Variants in SLC25A37 observed in about 807,000 individuals in gnomAD.
SLC25A37 encodes the protein solute carrier family 25 member 37, also known as mitoferrin-1.
A neutral mutation model predicts 31.0 loss-of-function variants in SLC25A37; 17 were observed. That is an observed-to-expected ratio of 0.55 (90% CI 0.38 to 0.82). The LOEUF (loss-of-function observed/expected upper bound fraction) is 0.82. SLC25A37 is among the 40% of genes least tolerant of loss of function. SLC25A37 has a pLI of 0.00. For synonymous variants in SLC25A37, 222 were observed against 193.0 expected, an observed-to-expected ratio of 1.15 and a Z score of -1.24; for missense variants, 404 against 465.8, an observed-to-expected ratio of 0.87 and a Z score of 1.22.
At chr8:23,568,584 C>T (rs1011873888) in intron 3 of SLC25A37, 15 of 589,466 alleles carry the variant, frequency 2.5e-5, no homozygotes, top group South Asian at 3.9e-5. Context: ...TTCCTGTGCT[C>T]GGAGCTACTC....
At chr8:23,532,614 C>T (rs1014877930) in intron 1 of SLC25A37, among the ~76,000 whole-genome samples, 11 of 152,206 alleles carry the variant, frequency 7.2e-5, no homozygotes, top group Admixed American at 2.0e-4. Flanking sequence ...GGGGGACTTC[C>T]GCTGACCCTT....
At chr8:23,533,685 T>C (rs1289383129) in intron 1 of SLC25A37, among the ~76,000 whole-genome samples, 2 of 152,244 alleles carry the variant, frequency 1.3e-5, no homozygotes, top group Non-Finnish European at 2.9e-5. Context: ...CAGAGCTTTT[T>C]GGCTCTTTTC....
chr8:23,561,323 G>A (rs1341987824), intron 1 of SLC25A37, among the ~76,000 whole-genome samples: 1 of 152,096 alleles, frequency 6.6e-6, no homozygotes, highest in Non-Finnish European at 1.5e-5. Context: ...AAGGGGAGGG[G>A]GTGAGAAATC....
At position 23,571,896 on chromosome 8, in the gene SLC25A37, C is replaced by T; in HGVS notation, c.*41C>T. The T allele has an allele frequency of 6.3e-7, 1 of 1,590,022 alleles. No individual in the cohort carries two copies. The highest frequency in any genetic ancestry group is 8.6e-7 in the Non-Finnish European group (1 of 1,165,010). ...AATCTTTTCTTAAAGTCATTCTCTGCCTGCATCCAGCCCCTTGCCCTCTCC... is the reference window on the plus strand; with the variant it reads ...AATCTTTTCTTAAAGTCATTCTCTGTCTGCATCCAGCCCCTTGCCCTCTCC... On this transcript the variant is annotated 3_prime_UTR_variant, in exon 4 of 4. Transcript: ENST00000519973.
intron 1 of SLC25A37, among the ~76,000 whole-genome samples, chr8:23,542,632 G>GCCT (rs1473223726): frequency 6.7e-6 from 1 of 149,892 alleles, no homozygotes; most frequent in Admixed American, 6.6e-5. Flanking sequence ...GCCCTCCTCA[G>GCCT]CCTCCCAGAG....
chr8:23,537,292 G>A (rs752731304), intron 1 of SLC25A37, among the ~76,000 whole-genome samples: 3 of 151,084 alleles, frequency 2.0e-5, no homozygotes, highest in East Asian at 1.9e-4. Context: ...TTGTTACTTC[G>A]TAACACACAC....
chr8:23,532,177 T>C (rs1012153265), intron 1 of SLC25A37, among the ~76,000 whole-genome samples: 11 of 152,210 alleles, frequency 7.2e-5, no homozygotes, highest in Admixed American at 5.9e-4. Context: ...TCCTGCTGCT[T>C]CCTGTGTCTT....
At chr8:23,568,494 CAG>C in intron 3 of SLC25A37, 116 bp downstream of exon 3, 2 of 1,109,092 alleles carry the variant, frequency 1.8e-6, no homozygotes, top group Admixed American at 3.6e-5. Flanking sequence ...AGTCTCCAGT[CAG>C]AGCAGACAGG....
intron 1 of SLC25A37, among the ~76,000 whole-genome samples, chr8:23,547,423 A>G (rs918429353): frequency 6.6e-6 from 1 of 152,220 alleles, no homozygotes; most frequent in Non-Finnish European, 1.5e-5. Context: ...GGGCCCACCA[A>G]TCAAGCAACT....
At chr8:23,568,019 G>A (rs1361611166) in intron 2 of SLC25A37, 5 of 439,780 alleles carry the variant, frequency 1.1e-5, no homozygotes, top group South Asian at 8.3e-5. Context: ...GCCATGGTGT[G>A]TGGTTTCTGG....
intron 1 of SLC25A37, among the ~76,000 whole-genome samples, chr8:23,546,598 GTGTA>G (rs1563256323): frequency 1.8e-4 from 10 of 55,674 alleles, no homozygotes; most frequent in East Asian, 1.1e-3. Flanking sequence ...TATATATATA[GTGTA>G]TGTGTGTGTG....
intron 1 of SLC25A37, among the ~76,000 whole-genome samples, chr8:23,539,970 A>G (rs1381396406): frequency 1.3e-5 from 2 of 152,252 alleles, no homozygotes; most frequent in South Asian, 2.1e-4. Context: ...TACACCTAGA[A>G]TGTTAAGGCA....
chr8:23,549,442 T>C (rs1385071644), intron 1 of SLC25A37, among the ~76,000 whole-genome samples: 1 of 152,198 alleles, frequency 6.6e-6, no homozygotes, highest in Non-Finnish European at 1.5e-5. Flanking sequence ...CAACTTAAAT[T>C]GACTCCTCCA....
rs3736034 is a variant in SLC25A37 at position 23,573,831 on chromosome 8, C to G, written c.*1976C>G. 13 of 456,578 alleles carry G rather than the reference C, an allele frequency of 2.8e-5. No homozygotes were observed. The highest frequency in any genetic ancestry group is 1.5e-4 in the South Asian group (10 of 64,572). 28.3% of individuals were successfully genotyped at this position (456,578 alleles called of 1,614,324 possible). On this transcript the variant is annotated 3_prime_UTR_variant, in exon 4 of 4. Coordinates refer to ENST00000519973, the MANE Select transcript of SLC25A37 (RefSeq NM_016612.4). ...CGCCTTCTCCCTGCTCTGCCCCCCA[C>G]TCCCCAAAACCAGTTGCAGCCTCAA...
chr8:23,550,875 G>T (rs564652442), intron 1 of SLC25A37, among the ~76,000 whole-genome samples: 223 of 152,332 alleles, frequency 1.5e-3, no homozygotes, highest in African/African-American at 4.9e-3. Context: ...GTCCTCCAGG[G>T]CTGCTGTGGA....
chr8:23,554,487 G>A (rs572187038), intron 1 of SLC25A37, among the ~76,000 whole-genome samples: 1 of 152,324 alleles, frequency 6.6e-6, no homozygotes, highest in South Asian at 2.1e-4. Flanking sequence ...CCTGTTATCT[G>A]GCATCTTTGG....
intron 1 of SLC25A37, among the ~76,000 whole-genome samples, chr8:23,561,583 G>T (rs1802516423): frequency 6.6e-6 from 1 of 152,182 alleles, no homozygotes; most frequent in East Asian, 1.9e-4. Context: ...AATTGAGATT[G>T]ACAACCTCAG....
At chr8:23,561,540 G>A (rs1314534012) in intron 1 of SLC25A37, among the ~76,000 whole-genome samples, 2 of 152,244 alleles carry the variant, frequency 1.3e-5, no homozygotes, top group Non-Finnish European at 2.9e-5. Flanking sequence ...CATGCCCTAA[G>A]GTTAAGGAAC....
At position 23,566,136 on chromosome 8, in the gene SLC25A37, C is replaced by T. The variant is rs1802646677; in HGVS notation, c.239C>T (p.Pro80Leu). The T allele has an allele frequency of 6.3e-7, 1 of 1,596,930 alleles. No homozygotes were observed. The highest frequency in any genetic ancestry group is 1.1e-5 in the South Asian group (1 of 86,972). Residue 80 changes from proline (P) to leucine (L), a missense_variant, in exon 2 of 4, where the codon CCC (proline) becomes CTC (leucine). By Grantham distance (98) the Pro-to-Leu change is moderately conservative (BLOSUM62 -3). Transcript: ENST00000519973. ...CGAATGCAGAGTTTGAGTCCAGATC[C>T]CAAAGCCCAGTACACAAGTATCTAC... The part of the protein sequence containing the change: ...KTRMQSLSPD[P>L]KAQYTSIYGA...
Sources: gnomAD v4.1 joint callset for allele counts (sites outside exome capture counted in the v4.1 genomes callset) on GRCh38, gnomAD v4.1.1 for gene constraint, MANE v1.5 for transcripts, NCBI Gene and HGNC (gene_info 2026-07-23, HGNC 2026-07-21) for gene names.